The following CPNE3 variants were observed in gnomAD, a reference collection of about 807,000 sequenced individuals.
The protein encoded by CPNE3 is copine 3.
Under a neutral mutation model 63.9 loss-of-function variants are expected in CPNE3, and 68 were observed. That is an observed-to-expected ratio of 1.06 (90% confidence interval 0.87 to 1.30). The LOEUF is 1.30. Ranked by LOEUF, CPNE3 falls within the 50% of genes most tolerant of loss-of-function variation. The probability of loss-of-function intolerance (pLI) is 0.00; values close to 1 mark genes in which losing one functional copy is unlikely to be tolerated. For missense variants in CPNE3, 665 were observed against 578.1 expected (o/e 1.15, Z -1.54); for synonymous variants, 219 against 197.5 (o/e 1.11, Z -0.91).
intron 2 of CPNE3, among the ~76,000 whole-genome samples, chr8:86,525,703 T>A (rs1358093153): frequency 1.3e-5 from 2 of 152,238 alleles, no homozygotes; most frequent in Non-Finnish European, 2.9e-5. Context: ...TGTAGATGTC[T>A]TCATTCTCTG....
At chr8:86,542,254 G>T (rs542034508) in intron 8 of CPNE3, among the ~76,000 whole-genome samples, 6 of 152,204 alleles carry the variant, frequency 3.9e-5, no homozygotes, top group African/African-American at 1.4e-4. Flanking sequence ...CTTACTGTTC[G>T]AAAATTGCTT....
intron 6 of CPNE3, among the ~76,000 whole-genome samples, chr8:86,534,425 G>T (rs1820756263): frequency 6.6e-6 from 1 of 152,130 alleles, no homozygotes; most frequent in African/African-American, 2.4e-5. Flanking sequence ...GGAGGCCGAG[G>T]TAGGTGGCTT....
At chr8:86,556,002 C>A in intron 15 of CPNE3, 100 bp from the exon 16 acceptor site, 1 of 735,720 alleles carries the variant, frequency 1.4e-6, no homozygotes, top group South Asian at 1.5e-5. Flanking sequence ...TAGAGACTGG[C>A]AAGGAAAATG....
chr8:86,526,841 A>G (rs1820552363), intron 2 of CPNE3, among the ~76,000 whole-genome samples: 1 of 152,182 alleles, frequency 6.6e-6, no homozygotes, highest in African/African-American at 2.4e-5. Context: ...TTTTCTAGCT[A>G]CTTCTAAGAC....
rs751073141 is a variant in CPNE3, at chr8:86,544,762, A to G, written c.656A>G (p.Asn219Ser). The stretch of plus-strand genomic sequence containing the variant: ...CAGGTGGAGTGTTATGATTATGACA[A>G]TGATGGGTCACATGATCTCATTGGA... ...TIKVECYDYD[N>S]DGSHDLIGTF... The change falls in exon 9 of 17, where the codon AAT becomes AGT. Residue 219 changes from asparagine to serine, a missense_variant. Asn to Ser is a conservative substitution (Grantham distance 46). Coordinates refer to ENST00000517490, the MANE Select transcript of CPNE3 (RefSeq NM_003909.5). The G allele has an allele frequency of 2.6e-6, 4 of 1,550,242 alleles. No homozygotes were observed. The highest frequency in any genetic ancestry group is 1.9e-5 in the Admixed American group (1 of 53,744).
chr8:86,542,734 C>T (rs1820969321), intron 8 of CPNE3, among the ~76,000 whole-genome samples: 2 of 151,920 alleles, frequency 1.3e-5, no homozygotes, highest in Non-Finnish European at 2.9e-5. Context: ...ATTGTCTTAC[C>T]TCATACCGTA....
chr8:86,542,382 A>G (rs183868949), intron 8 of CPNE3, among the ~76,000 whole-genome samples: 1 of 152,290 alleles, frequency 6.6e-6, no homozygotes, highest in East Asian at 1.9e-4. Context: ...AGTGAATACG[A>G]AAAATAATCA....
At position 86,537,551 on chromosome 8, in the gene CPNE3, T is replaced by C. The variant is rs367659141; in HGVS notation, c.460-12T>C. On this transcript the variant is annotated splice_polypyrimidine_tract_variant and intron_variant, in intron 6 of 16. Coordinates refer to ENST00000517490, the MANE Select transcript of CPNE3 (RefSeq NM_003909.5). ...GAGAACAAATGCTTTTTGTTGTTTG[T>C]TTTAAATGTAGGATCTATTTGGAAA... The C allele has an allele frequency of 6.8e-5, 106 of 1,549,632 alleles. No individual in the cohort carries two copies. The highest frequency in any genetic ancestry group is 9.1e-5 in the Non-Finnish European group (102 of 1,121,732).
In CPNE3 at chr8:86,547,710, G is replaced by T; in HGVS notation, c.820-1G>T. 8.3e-7 allele frequency: 1 copy of T among 1,212,114 alleles called. No individual in the cohort carries two copies. Among genetic ancestry groups the T allele is most frequent in the South Asian group, 1.2e-5 (1 of 80,656 alleles). The allele number at this position is 1,212,114 out of a possible 1,614,324, so 75.1% of individuals were successfully genotyped here. A position where few individuals can be genotyped will look rare whatever the true frequency, so the allele number is the denominator to read the frequency against. On this transcript the variant is annotated splice_acceptor_variant, in intron 10 of 16. Coordinates refer to ENST00000517490, the MANE Select transcript of CPNE3 (RefSeq NM_003909.5). LOFTEE classifies it high-confidence loss of function. The stretch of plus-strand genomic sequence containing the variant: ...AATTTTAAGTTTTCTCTTATTTTTA[G>T]ATTACAGTAGAATGCACATTCCTTG...
rs576188968 is a variant in CPNE3, at chr8:86,540,321, A to G, written c.620A>G (p.Asp207Gly). The change falls in exon 8 of 17, where the codon GAC (aspartate) becomes GGC (glycine). Residue 207 changes from aspartate (D) to glycine (G), a missense_variant. By Grantham distance (94) the Asp-to-Gly change is moderately conservative (BLOSUM62 -1). Transcript: ENST00000517490. ...SLNSLCYGDM[D>G]KTIKVECYDY... The stretch of plus-strand genomic sequence containing the variant: ...AACTCACTGTGTTACGGAGATATGG[A>G]CAAAACCATTAAGGTAAGTTGAAAT... The G allele has an allele frequency of 8.6e-6, 13 of 1,514,710 alleles. No homozygotes were observed. The African/African-American group carries it at 1.6e-4, about 18-fold the overall frequency. The allele number at this position is 1,514,710 out of a possible 1,614,324, so 93.8% of individuals were successfully genotyped here. A position where few individuals can be genotyped will look rare whatever the true frequency, so the allele number is the denominator to read the frequency against.
intron 2 of CPNE3, among the ~76,000 whole-genome samples, chr8:86,521,322 T>C (rs1820430885): frequency 6.6e-6 from 1 of 152,204 alleles, no homozygotes; most frequent in Admixed American, 6.5e-5. Context: ...TTCCAGTTCT[T>C]CCATTCTTTG....
chr8:86,556,616 C>T (rs751624418), intron 16 of CPNE3, among the ~76,000 whole-genome samples: 1 of 152,160 alleles, frequency 6.6e-6, no homozygotes, highest in Non-Finnish European at 1.5e-5. Context: ...TCTTATGTAA[C>T]TGTATGCCAA....
At chr8:86,546,743 G>A (rs554752854) in intron 10 of CPNE3, 62 bp downstream of exon 10, 41 of 1,532,464 alleles carry the variant, frequency 2.7e-5, no homozygotes, top group East Asian at 7.0e-5. Context: ...CTGGAGCCTC[G>A]CTCTGTTGCC....
At chr8:86,541,162 GA>G (rs1225651266) in intron 8 of CPNE3, among the ~76,000 whole-genome samples, 2 of 152,174 alleles carry the variant, frequency 1.3e-5, no homozygotes, top group Non-Finnish European at 2.9e-5. Context: ...GTAAGTATAA[GA>G]TTTGGAGTCA....
chr8:86,538,307 G>A (rs1820851411), intron 7 of CPNE3, among the ~76,000 whole-genome samples: 1 of 152,110 alleles, frequency 6.6e-6, no homozygotes, highest in Non-Finnish European at 1.5e-5. Context: ...CCCAGGAGGT[G>A]GAGGTTGCAG....
rs1038238690 is a variant in CPNE3 at position 86,554,954 on chromosome 8, T to G, written c.1224T>G (p.Ala408=). The part of the protein sequence containing the change: ...SPIINHVARF[A]AAATQQQTAS... ...TCATAAATCACGTGGCCAGGTTTGCTGCTGCAGCCACGCAACAGCAGACAG... is the reference window on the plus strand; with the variant it reads ...TCATAAATCACGTGGCCAGGTTTGCGGCTGCAGCCACGCAACAGCAGACAG... Residue 408 remains alanine, a synonymous_variant, in exon 15 of 17, where the codon GCT becomes GCG. Transcript: ENST00000517490. The G allele has an allele frequency of 7.4e-6, 12 of 1,614,046 alleles. No individual in the cohort carries two copies. The highest frequency in any genetic ancestry group is 1.0e-5 in the Non-Finnish European group (12 of 1,180,022).
intron 8 of CPNE3, among the ~76,000 whole-genome samples, chr8:86,542,422 G>A (rs10107117): frequency 0.24 from 36,199 of 152,018 alleles, 4,478 homozygotes; most frequent in Non-Finnish European, 0.27. Flanking sequence ...TAAAATGGGA[G>A]TGCCTTACTG....
At chr8:86,521,473 A>G (rs2131423612) in intron 2 of CPNE3, 1 of 152,304 alleles carries the variant, frequency 6.6e-6, no homozygotes, top group South Asian at 2.1e-4. Flanking sequence ...AACAAGACTT[A>G]AGGAAATTAA....
At chr8:86,528,392 C>G in intron 2 of CPNE3, 144 bp from the exon 3 acceptor site, 2 of 712,314 alleles carry the variant, frequency 2.8e-6, no homozygotes, top group Non-Finnish European at 4.6e-6. Flanking sequence ...TGAGGAGGTG[C>G]ATATAACAGT....
Sources: gnomAD v4.1 joint callset for allele counts (sites outside exome capture counted in the v4.1 genomes callset) on GRCh38, gnomAD v4.1.1 for gene constraint, MANE v1.5 for transcripts, NCBI Gene and HGNC (gene_info 2026-07-23, HGNC 2026-07-21) for gene names.